Variants in ASPG observed in about 807,000 individuals in gnomAD.
The protein encoded by ASPG is asparaginase.
In ASPG, 53 loss-of-function variants were observed where a neutral mutation model predicts 63.2. That is an observed-to-expected ratio of 0.84 (90% CI 0.67 to 1.05). The LOEUF is 1.05. ASPG is among the 50% of genes least tolerant of loss of function. ASPG has a pLI of 0.00. For synonymous variants in ASPG, 370 were observed against 355.0 expected, an observed-to-expected ratio of 1.04 and a Z score of -0.48; for missense variants, 741 against 794.4, an observed-to-expected ratio of 0.93 and a Z score of 0.81.
chr14:104,111,339 C>T (rs2037375209), intron 13 of ASPG, among the ~76,000 whole-genome samples, 163 bp from the exon 14 acceptor site: 2 of 152,200 alleles, frequency 1.3e-5, no homozygotes, highest in Non-Finnish European at 1.5e-5. Flanking sequence ...CCAGGCTGCC[C>T]GATGGCCCCC....
intron 3 of ASPG, among the ~76,000 whole-genome samples, chr14:104,094,465 A>G (rs2036507529): frequency 6.8e-6 from 1 of 147,134 alleles, no homozygotes; most frequent in African/African-American, 2.5e-5. Context: ...CCGCCCCATC[A>G]GCTTTTCTTC....
rs1040856930 is a variant in ASPG at position 104,112,538 on chromosome 14, T to C, written c.1716T>C (p.Gly572=). The C allele has an allele frequency of 1.3e-6, 2 of 1,545,156 alleles. No homozygotes were observed. Among genetic ancestry groups the C allele is most frequent in the South Asian group, 1.1e-5 (1 of 89,378 alleles). The change falls in exon 16 of 16, where the codon GGT becomes GGC. Residue 572 remains glycine (G), a synonymous_variant. Coordinates refer to ENST00000551177, the MANE Select transcript of ASPG (RefSeq NM_001080464.3). The part of the protein sequence containing the change: ...AQAPCPEVLP[G]V Reference sequence around the variant, plus strand: ...CATGTTTTCAGGAAGTGCTGCCTGGTGTCTAACCTGAAGGCGTCCTGCTGC... The same window carrying C: ...CATGTTTTCAGGAAGTGCTGCCTGGCGTCTAACCTGAAGGCGTCCTGCTGC...
chr14:104,101,415 TC>T (rs2036869494), intron 6 of ASPG, among the ~76,000 whole-genome samples: 1 of 151,992 alleles, frequency 6.6e-6, no homozygotes. Flanking sequence ...GCTGGGCTGG[TC>T]CGGGAGTCAT....
In ASPG at chr14:104,093,722, T is replaced by C. The variant is rs558851485; in HGVS notation, c.303+120T>C. 181 of 256,668 alleles carry C rather than the reference T, an allele frequency of 7.1e-4. 5 individuals are homozygous for C. The South Asian group carries it at 9.4e-3, about 13-fold the overall frequency. 15.9% of individuals were successfully genotyped at this position (256,668 alleles called of 1,614,324 possible). A position where few individuals can be genotyped will look rare whatever the true frequency, so the allele number is the denominator to read the frequency against. ...AGTGGGCAGGGCTGTTGGGTGTGAG[T>C]GGGGCTAGGGAGCACGGGTGGGAAT... On this transcript the variant is annotated intron_variant, in intron 3 of 15. Coordinates refer to ENST00000551177, the MANE Select transcript of ASPG (RefSeq NM_001080464.3).
In ASPG at chr14:104,109,036, T is replaced by A. The variant is rs1239295861; in HGVS notation, c.1434-193T>A. 8.1e-6 allele frequency: 8 copies of A among 985,114 alleles called. No homozygotes were observed. The East Asian group carries it at 5.7e-4, about 70-fold the overall frequency. The allele number at this position is 985,114 out of a possible 1,614,324, so 61.0% of individuals were successfully genotyped here. A position where few individuals can be genotyped will look rare whatever the true frequency, so the allele number is the denominator to read the frequency against. Reference sequence around the variant, plus strand: ...TACTGGACAAATGGAGGTGGTGGGATCCCGGGATGATGTCACATGGGCCTA... The same window carrying A: ...TACTGGACAAATGGAGGTGGTGGGAACCCGGGATGATGTCACATGGGCCTA... On this transcript the variant is annotated intron_variant, in intron 12 of 15. Transcript: ENST00000551177. The surrounding 1 kb of genome is among the most constrained non-coding windows in gnomAD (Gnocchi z 4.8).
In ASPG at chr14:104,098,934, T is replaced by TC; in HGVS notation, c.599dup (p.Asn201GlufsTer11). ...CGCTCGGAGGTTCGCAGCTTTCTGCTCCCCGAACCTGCTGCCTCTGGCCAC... is the reference window on the plus strand; with the variant it reads ...CGCTCGGAGGTTCGCAGCTTTCTGCTCCCCCGAACCTGCTGCCTCTGGCCAC... On this transcript the variant is annotated frameshift_variant, in exon 6 of 16. Coordinates refer to ENST00000551177, the MANE Select transcript of ASPG (RefSeq NM_001080464.3). LOFTEE classifies it high-confidence loss of function. 1 of 1,605,146 alleles carries TC rather than the reference T, an allele frequency of 6.2e-7. No individual in the cohort carries two copies. Among genetic ancestry groups the TC allele is most frequent in the Non-Finnish European group, 8.5e-7 (1 of 1,176,698 alleles).
Position 104,105,263 on chromosome 14 carries a change from C to T in ASPG, c.1051-65C>T. 1.9e-6 allele frequency: 3 copies of T among 1,611,748 alleles called. 1 individual carries two copies. Among genetic ancestry groups the T allele is most frequent in the East Asian group, 2.2e-5 (1 of 44,872 alleles). On this transcript the variant is annotated intron_variant, in intron 9 of 15. Transcript: ENST00000551177. ...GACTGTGCCCGGGTAGCCCGACCCT[C>T]CAGGCTGTCCTGGGCTGCCCATCCA...
chr14:104,095,225 C>T (rs766988729), intron 3 of ASPG, among the ~76,000 whole-genome samples: 13 of 152,322 alleles, frequency 8.5e-5, no homozygotes, highest in Non-Finnish European at 1.6e-4. Context: ...CATGGAGAGG[C>T]GCTCTCCCGC....
intron 15 of ASPG, 29 bp from the exon 16 acceptor site, chr14:104,112,495 G>A: frequency 8.1e-7 from 1 of 1,227,874 alleles, no homozygotes; most frequent in South Asian, 1.2e-5. Context: ...CTACCTGGGT[G>A]TCCTTCTCAG....
intron 14 of ASPG, 144 bp from the exon 15 acceptor site, chr14:104,111,776 G>A: frequency 2.0e-6 from 2 of 976,078 alleles, no homozygotes; most frequent in Non-Finnish European, 3.0e-6. Flanking sequence ...GCTCTGAGTG[G>A]TGGGGGTGAC....
chr14:104,086,689 T>C (rs931834326), intron 1 of ASPG, among the ~76,000 whole-genome samples: 2 of 152,084 alleles, frequency 1.3e-5, no homozygotes, highest in Non-Finnish European at 2.9e-5. Context: ...GGGGCCTCCC[T>C]TGGGGCCAGG....
chr14:104,103,440 C>A, intron 6 of ASPG, 123 bp from the exon 7 acceptor site: 3 of 821,112 alleles, frequency 3.7e-6, no homozygotes, highest in Admixed American at 2.7e-5. Context: ...GGGGCTGAGC[C>A]GCGAAGGCTC....
At chr14:104,094,355 A>T (rs998403817) in intron 3 of ASPG, among the ~76,000 whole-genome samples, 18 of 151,962 alleles carry the variant, frequency 1.2e-4, no homozygotes, top group African/African-American at 4.4e-4. Context: ...TAGTGGATTT[A>T]GTGGAGTCTT....
At chr14:104,089,787 A>G (rs1026493555) in intron 1 of ASPG, among the ~76,000 whole-genome samples, 2 of 148,030 alleles carry the variant, frequency 1.4e-5, no homozygotes, top group African/African-American at 4.9e-5. Context: ...CGTCTCTACT[A>G]AAAATAAAAA....
rs949398842 is a variant in ASPG, at chr14:104,099,125, G to A, written c.640+146G>A. On this transcript the variant is annotated intron_variant, in intron 6 of 15. Transcript: ENST00000551177. ...TTGCCCTGGCTTGGTTCTGCCCTGG[G>A]CTGTGGAGAAGCCAGGGCTGCGTGG... The A allele has an allele frequency of 8.9e-6, 12 of 1,345,684 alleles. No homozygotes were observed. In the African/African-American group the frequency reaches 1.7e-4, roughly 19 times the overall value. 83.4% of individuals were successfully genotyped at this position (1,345,684 alleles called of 1,614,324 possible).
In ASPG at chr14:104,109,000, C is replaced by T. The variant is rs557154584; in HGVS notation, c.1434-229C>T. On this transcript the variant is annotated intron_variant, in intron 12 of 15. Transcript: ENST00000551177. ...CCACCCCTTGCAGACCTCAGCTGCC[C>T]TAAGAAGGAGTACTGGACAAATGGA... The T allele has an allele frequency of 1.1e-5, 11 of 985,384 alleles. No homozygotes were observed. In the Admixed American group the frequency reaches 6.1e-4, roughly 55 times the overall value. 61.0% of individuals were successfully genotyped at this position (985,384 alleles called of 1,614,324 possible).
rs757764758 is a variant in ASPG, at chr14:104,091,494, G to A, written c.83-1139G>A. ...TTCCAGTCCTCTGGCAAACGTCCCC[G>A]GGGCTCCACAGGCCTTTGTGTAAGG... On this transcript the variant is annotated intron_variant, in intron 1 of 15. Coordinates refer to ENST00000551177, the MANE Select transcript of ASPG (RefSeq NM_001080464.3). The surrounding 1 kb of genome is among the most constrained non-coding windows in gnomAD (Gnocchi z 6.4). 3.3e-5 allele frequency among the ~76,000 whole-genome samples: 5 copies of A among 152,110 alleles called. No homozygotes were observed. Among genetic ancestry groups the A allele is most frequent in the Non-Finnish European group, 7.3e-5 (5 of 68,028 alleles).
At position 104,085,866 on chromosome 14, in the gene ASPG, C is replaced by A; in HGVS notation, c.82+14C>A. ...GTGAGCTCGGCGGTGAGTCCGAGAC[C>A]CTGGGCGGGGTAGGCCTCTGGACCT... On this transcript the variant is annotated intron_variant, in intron 1 of 15. Coordinates refer to ENST00000551177, the MANE Select transcript of ASPG (RefSeq NM_001080464.3). 6.3e-7 allele frequency: 1 copy of A among 1,577,880 alleles called. No individual in the cohort carries two copies. The highest frequency in any genetic ancestry group is 1.1e-5 in the South Asian group (1 of 88,342).
At position 104,114,965 on chromosome 14, in the gene ASPG, C is replaced by G. The variant is rs2037443089; in HGVS notation, c.*2421C>G. On this transcript the variant is annotated 3_prime_UTR_variant, in exon 16 of 16. Transcript: ENST00000551177. ...CTCAGGAATGAGGCACAGCCAGGTGCCCAGTGCCCGTGGGACCCGCCTCCC... is the reference window on the plus strand; with the variant it reads ...CTCAGGAATGAGGCACAGCCAGGTGGCCAGTGCCCGTGGGACCCGCCTCCC... The G allele has an allele frequency of 6.6e-6, 1 of 152,142 alleles. No individual in the cohort carries two copies. The allele number at this position is 152,142 out of a possible 1,614,324, so 9.4% of individuals were successfully genotyped here.
Sources: gnomAD v4.1 joint callset for allele counts (sites outside exome capture counted in the v4.1 genomes callset) on GRCh38, gnomAD v4.1.1 for gene constraint, Gnocchi (gnomAD v3.1) non-coding constraint, MANE v1.5 for transcripts, NCBI Gene and HGNC (gene_info 2026-07-23, HGNC 2026-07-21) for gene names.